The following SHROOM3 variants were observed in gnomAD, a reference collection of about 807,000 sequenced individuals.
SHROOM3 encodes protein Shroom3.
A neutral mutation model predicts 138.6 loss-of-function variants in SHROOM3; 47 were observed. The observed-to-expected ratio is 0.34, with a 90% CI of 0.27 to 0.43. SHROOM3 has a LOEUF of 0.43. Ranked by LOEUF, SHROOM3 falls within the 20% of genes least tolerant of loss-of-function variation. SHROOM3 has a pLI of 1.00. For synonymous variants in SHROOM3, 1,062 were observed against 1,063.3 expected, an observed-to-expected ratio of 1.00 and a Z score of 0.02; for missense variants, 2,491 against 2,596.5, an observed-to-expected ratio of 0.96 and a Z score of 0.88.
chr4:76,472,754 G>C (rs1421492653), intron 1 of SHROOM3, among the ~76,000 whole-genome samples: 1 of 151,740 alleles, frequency 6.6e-6, no homozygotes, highest in Non-Finnish European at 1.5e-5. Flanking sequence ...GAGTGCAGTG[G>C]CGTGATCTCA....
intron 2 of SHROOM3, among the ~76,000 whole-genome samples, chr4:76,598,387 T>C (rs1734435087): frequency 6.6e-6 from 1 of 152,230 alleles, no homozygotes; most frequent in South Asian, 2.1e-4. Flanking sequence ...ATAGAAAAGA[T>C]GAAAGCTTCT....
intron 1 of SHROOM3, among the ~76,000 whole-genome samples, chr4:76,471,836 A>G (rs1361018726): frequency 1.3e-5 from 2 of 152,178 alleles, no homozygotes; most frequent in Non-Finnish European, 2.9e-5. Context: ...CATTAGATGT[A>G]AGAGCAGCTC....
At chr4:76,478,986 T>C (rs746651863) in intron 1 of SHROOM3, among the ~76,000 whole-genome samples, 1 of 151,698 alleles carries the variant, frequency 6.6e-6, no homozygotes, top group Non-Finnish European at 1.5e-5. Context: ...GTCACCAACA[T>C]CAAAGACCAA....
At chr4:76,693,378 T>TTTTTG (rs1719619969) in intron 2 of SHROOM3, among the ~76,000 whole-genome samples, 10 of 132,196 alleles carry the variant, frequency 7.6e-5, no homozygotes, top group South Asian at 5.1e-4. Context: ...TTGTTTTTTT[T>TTTTTG]TTTTTTTTTT....
chr4:76,633,656 C>CAAAAA (rs869138315), intron 2 of SHROOM3, among the ~76,000 whole-genome samples: 272 of 87,938 alleles, frequency 3.1e-3, no homozygotes, highest in Non-Finnish European at 4.3e-3. Context: ...GACTCCGTCT[C>CAAAAA]AAAAAAAAAA....
At chr4:76,745,488 A>G (rs546205130) in intron 5 of SHROOM3, among the ~76,000 whole-genome samples, 2 of 152,348 alleles carry the variant, frequency 1.3e-5, no homozygotes, top group African/African-American at 2.4e-5. Flanking sequence ...AAATTGCTCA[A>G]TGCATGGAAC....
intron 1 of SHROOM3, among the ~76,000 whole-genome samples, chr4:76,525,823 C>A (rs1207905976): frequency 6.6e-6 from 1 of 152,156 alleles, no homozygotes; most frequent in African/African-American, 2.4e-5. Context: ...AGGATCCAAT[C>A]CTCTGTTATT....
intron 2 of SHROOM3, among the ~76,000 whole-genome samples, chr4:76,556,373 A>G (rs1733484709): frequency 6.6e-6 from 1 of 152,168 alleles, no homozygotes; most frequent in African/African-American, 2.4e-5. Flanking sequence ...TTTGATCTCT[A>G]TTAGTAAGCA....
Position 76,741,016 on chromosome 4 carries a change from T to TG in SHROOM3, c.2848dup (p.Ala950GlyfsTer43), listed in dbSNP as rs863225433. 6.7e-7 allele frequency: 1 copy of TG among 1,486,032 alleles called. No homozygotes were observed. Among genetic ancestry groups the TG allele is most frequent in the Non-Finnish European group, 8.9e-7 (1 of 1,122,052 alleles). 92.1% of individuals were successfully genotyped at this position (1,486,032 alleles called of 1,614,324 possible). A position where few individuals can be genotyped will look rare whatever the true frequency, so the allele number is the denominator to read the frequency against. Reference sequence around the variant, plus strand: ...TCCTTTCGACGTCGAGACCTGGAGCTGGGGGCGCCCGTGGCGTCGAGGTCC... The same window carrying TG: ...TCCTTTCGACGTCGAGACCTGGAGCTGGGGGGCGCCCGTGGCGTCGAGGTCC... On this transcript the variant is annotated frameshift_variant, in exon 5 of 11. Transcript: ENST00000296043. LOFTEE classifies it high-confidence loss of function. This position sits in a 1 kb window ranked among gnomAD's most constrained non-coding sequence, Gnocchi z 6.2.
chr4:76,686,626 C>A (rs1719343397), intron 2 of SHROOM3, among the ~76,000 whole-genome samples: 1 of 152,032 alleles, frequency 6.6e-6, no homozygotes, highest in Non-Finnish European at 1.5e-5. Flanking sequence ...AGGTCCCTCC[C>A]AACTAATCAA....
chr4:76,776,460 CTATT>C (rs778787534), intron 10 of SHROOM3, among the ~76,000 whole-genome samples: 2 of 152,136 alleles, frequency 1.3e-5, no homozygotes, highest in Non-Finnish European at 2.9e-5. Flanking sequence ...TAAGTCCTAT[CTATT>C]TATCTTTGTT....
At chr4:76,624,737 G>A (rs961497847) in intron 2 of SHROOM3, among the ~76,000 whole-genome samples, 24 of 152,156 alleles carry the variant, frequency 1.6e-4, no homozygotes, top group African/African-American at 5.8e-4. Flanking sequence ...ACTAATATGA[G>A]TGTATATGTT....
intron 2 of SHROOM3, among the ~76,000 whole-genome samples, chr4:76,670,023 C>T (rs917150958): frequency 3.9e-5 from 6 of 152,220 alleles, no homozygotes; most frequent in African/African-American, 1.4e-4. Context: ...CATCACTCAT[C>T]AGTTGCCAAG....
At chr4:76,591,692 A>G (rs571639556) in intron 2 of SHROOM3, among the ~76,000 whole-genome samples, 29 of 133,366 alleles carry the variant, frequency 2.2e-4, no homozygotes, top group Non-Finnish European at 4.1e-4. Context: ...AATGGCGCCA[A>G]CCTACCCGGA....
At chr4:76,757,681 T>A (rs1458790683) in intron 8 of SHROOM3, among the ~76,000 whole-genome samples, 2 of 152,204 alleles carry the variant, frequency 1.3e-5, no homozygotes, top group Non-Finnish European at 2.9e-5. Flanking sequence ...TTTGGCCCAG[T>A]CCGTGAGCCT....
At chr4:76,503,442 T>A (rs1022255053) in intron 1 of SHROOM3, among the ~76,000 whole-genome samples, 3 of 152,098 alleles carry the variant, frequency 2.0e-5, no homozygotes, top group East Asian at 3.8e-4. Flanking sequence ...ATATATATAT[T>A]TTTTGAGACA....
chr4:76,771,603 G>A (rs543087549), intron 10 of SHROOM3, among the ~76,000 whole-genome samples: 1 of 152,146 alleles, frequency 6.6e-6, no homozygotes, highest in East Asian at 1.9e-4. Flanking sequence ...GACGCACCAG[G>A]GTGTCTCCAC....
chr4:76,703,758 A>G (rs1426125868), intron 2 of SHROOM3, among the ~76,000 whole-genome samples: 5 of 152,250 alleles, frequency 3.3e-5, no homozygotes, highest in Admixed American at 3.3e-4. Flanking sequence ...GGCTTTAAAT[A>G]AGACAAATTG....
intron 6 of SHROOM3, among the ~76,000 whole-genome samples, chr4:76,751,375 C>G (rs1404257793): frequency 6.6e-6 from 1 of 152,132 alleles, no homozygotes; most frequent in Non-Finnish European, 1.5e-5. Context: ...ACATGAAATT[C>G]AGACTTTACA....
Sources: gnomAD v4.1 joint callset for allele counts (sites outside exome capture counted in the v4.1 genomes callset) on GRCh38, gnomAD v4.1.1 for gene constraint, Gnocchi (gnomAD v3.1) non-coding constraint, MANE v1.5 for transcripts, NCBI Gene and HGNC (gene_info 2026-07-23, HGNC 2026-07-21) for gene names.